The following CDH13 variants were observed in gnomAD, a reference collection of about 807,000 sequenced individuals.
The protein encoded by CDH13 is cadherin-13.
CDH13 carries 24 observed loss-of-function variants against 63.8 expected under a neutral mutation model. That is an observed-to-expected ratio of 0.38 (90% CI 0.27 to 0.53). CDH13 has a LOEUF of 0.53. Among genes scored for constraint, CDH13 ranks in the 20% least tolerant of loss-of-function variants. CDH13 has a pLI of 0.85. For synonymous variants in CDH13, 503 were observed against 355.3 expected (o/e 1.42, Z -4.67); for missense variants, 1,049 against 903.1 (o/e 1.16, Z -2.07).
intron 7 of CDH13, among the ~76,000 whole-genome samples, chr16:83,542,844 C>T (rs1354755863): frequency 1.3e-5 from 2 of 152,212 alleles, no homozygotes; most frequent in African/African-American, 4.8e-5. Flanking sequence ...TGGCTTAGGG[C>T]CCGTGCTCAT....
intron 2 of CDH13, among the ~76,000 whole-genome samples, chr16:82,992,181 C>T (rs1372459609): frequency 6.6e-6 from 1 of 152,104 alleles, no homozygotes; most frequent in Non-Finnish European, 1.5e-5. Context: ...GAAGTATGTC[C>T]TAGTCCAGCC....
chr16:83,659,066 A>G (rs1329922888), intron 8 of CDH13, among the ~76,000 whole-genome samples: 6 of 128,680 alleles, frequency 4.7e-5, no homozygotes, highest in Admixed American at 4.0e-4. Context: ...ACCAGGTCCC[A>G]TATCCTCACC....
At chr16:83,059,716 G>A (rs1359777151) in intron 3 of CDH13, among the ~76,000 whole-genome samples, 1 of 151,648 alleles carries the variant, frequency 6.6e-6, no homozygotes, top group African/African-American at 2.4e-5. Flanking sequence ...CTTAAAGACA[G>A]GGTGCTTATC....
At chr16:82,912,513 A>G (rs1205056017) in intron 2 of CDH13, among the ~76,000 whole-genome samples, 1 of 152,218 alleles carries the variant, frequency 6.6e-6, no homozygotes, top group Admixed American at 6.5e-5. Flanking sequence ...ACATTTCTTA[A>G]AGTAAATGAG....
chr16:83,046,062 A>G (rs1020310250), intron 3 of CDH13, among the ~76,000 whole-genome samples: 3 of 152,236 alleles, frequency 2.0e-5, no homozygotes, highest in Non-Finnish European at 2.9e-5. Context: ...TCTCAGCCCA[A>G]TTGCTTGTTT....
chr16:83,260,020 G>T (rs1425551959), intron 5 of CDH13, among the ~76,000 whole-genome samples: 1 of 150,020 alleles, frequency 6.7e-6, no homozygotes, highest in Non-Finnish European at 1.5e-5. Context: ...AATAGTCAAA[G>T]ATGAGGACTT....
Position 82,758,473 on chromosome 16 carries a change from C to T in CDH13, c.46-99889C>T, listed in dbSNP as rs566564856. 3.3e-4 allele frequency among the ~76,000 whole-genome samples: 50 copies of T among 151,650 alleles called. No individual in the cohort carries two copies. The East Asian group carries it at 9.6e-3, about 29-fold the overall frequency. On this transcript the variant is annotated intron_variant, in intron 1 of 13. Transcript: ENST00000567109. ...TCCCCATTTCTTTTAGTGTCTCTTT[C>T]CAGCTGAGCAGTCTTCTGACTCCCA...
intron 1 of CDH13, among the ~76,000 whole-genome samples, chr16:82,729,807 A>T (rs1043029302): frequency 6.6e-6 from 1 of 152,184 alleles, no homozygotes; most frequent in Admixed American, 6.5e-5. Context: ...ATCTACACGA[A>T]AAATCTGTTT....
chr16:83,382,388 A>G (rs983657931), intron 6 of CDH13, among the ~76,000 whole-genome samples: 2 of 152,194 alleles, frequency 1.3e-5, no homozygotes, highest in Non-Finnish European at 2.9e-5. Context: ...GTTATTTTAA[A>G]TGTACAGAAA....
intron 1 of CDH13, among the ~76,000 whole-genome samples, chr16:82,688,031 T>C (rs1433663120): frequency 6.6e-6 from 1 of 152,226 alleles, no homozygotes; most frequent in African/African-American, 2.4e-5. Context: ...CACAGATCTA[T>C]ATGGCAGCAA....
At chr16:83,082,095 C>T (rs1190952786) in intron 3 of CDH13, among the ~76,000 whole-genome samples, 1 of 152,172 alleles carries the variant, frequency 6.6e-6, no homozygotes, top group Non-Finnish European at 1.5e-5. Flanking sequence ...CCACTGTGCC[C>T]GGCCACCTAA....
intron 10 of CDH13, among the ~76,000 whole-genome samples, chr16:83,685,848 C>T (rs1904304508): frequency 1.3e-5 from 2 of 152,174 alleles, no homozygotes; most frequent in Non-Finnish European, 2.9e-5. Context: ...AGGCCTCTGC[C>T]TCTAGGGAAT....
chr16:82,671,809 C>G (rs571997918), intron 1 of CDH13, among the ~76,000 whole-genome samples: 1 of 151,362 alleles, frequency 6.6e-6, no homozygotes, highest in Non-Finnish European at 1.5e-5. Context: ...ATTCATGACC[C>G]TTTGGATTAT....
intron 6 of CDH13, among the ~76,000 whole-genome samples, chr16:83,354,969 C>T (rs1057391872): frequency 3.3e-5 from 5 of 152,192 alleles, no homozygotes; most frequent in Non-Finnish European, 4.4e-5. Context: ...TCCACAGAGG[C>T]AAAAGTATGT....
intron 2 of CDH13, among the ~76,000 whole-genome samples, chr16:82,936,257 G>T (rs1475146131): frequency 1.3e-5 from 2 of 152,012 alleles, no homozygotes; most frequent in African/African-American, 2.4e-5. Context: ...AATTATTTGG[G>T]GTTGCTTTTT....
intron 1 of CDH13, among the ~76,000 whole-genome samples, chr16:82,663,282 G>A (rs1185958429): frequency 1.3e-5 from 2 of 152,142 alleles, no homozygotes; most frequent in Non-Finnish European, 2.9e-5. Context: ...TGCCTCCTAG[G>A]TTCAAGCGAT....
At chr16:83,008,844 G>C (rs1010124924) in intron 2 of CDH13, among the ~76,000 whole-genome samples, 1 of 152,208 alleles carries the variant, frequency 6.6e-6, no homozygotes, top group Non-Finnish European at 1.5e-5. Context: ...ATTTATGGAA[G>C]AAAGAGGTTT....
intron 7 of CDH13, among the ~76,000 whole-genome samples, chr16:83,507,376 C>T (rs1489524910): frequency 1.3e-5 from 2 of 152,066 alleles, no homozygotes; most frequent in East Asian, 3.9e-4. Context: ...TGTGTTAGAA[C>T]CTGGGGAAAT....
chr16:82,816,330 T>TA (rs1229527782), intron 1 of CDH13, among the ~76,000 whole-genome samples: 1 of 152,146 alleles, frequency 6.6e-6, no homozygotes, highest in African/African-American at 2.4e-5. Context: ...GTAGTGGTGA[T>TA]ACAGCAGTGG....
Sources: allele counts gnomAD v4.1 joint callset (sites outside exome capture counted in the v4.1 genomes callset), GRCh38; gene constraint gnomAD v4.1.1; transcripts MANE v1.5; gene names NCBI Gene and HGNC (gene_info 2026-07-23, HGNC 2026-07-21).